TRAPPC9: variants seen among roughly 807,000 people sequenced by gnomAD.
TRAPPC9 encodes the protein IKK2 binding protein.
A neutral mutation model predicts 124.0 loss-of-function variants in TRAPPC9; 83 were observed. That is an observed-to-expected ratio of 0.67 (90% CI 0.56 to 0.80). TRAPPC9 has a LOEUF of 0.80. TRAPPC9 is among the 30% of genes least tolerant of loss of function. The probability of loss-of-function intolerance (pLI) is 0.00; values close to 1 mark genes in which losing one functional copy is unlikely to be tolerated. For synonymous variants in TRAPPC9, 638 were observed against 617.5 expected (o/e 1.03, Z -0.49); for missense variants, 1,302 against 1,508.3 (o/e 0.86, Z 2.27).
At chr8:139,850,026 A>C (rs1202346497) in intron 21 of TRAPPC9, among the ~76,000 whole-genome samples, 8 of 152,098 alleles carry the variant, frequency 5.3e-5, no homozygotes, top group African/African-American at 1.7e-4. Context: ...CGGTTCCCGC[A>C]TCAGCTCCCA....
At chr8:140,061,779 G>A (rs748354356) in intron 17 of TRAPPC9, among the ~76,000 whole-genome samples, 6 of 152,210 alleles carry the variant, frequency 3.9e-5, no homozygotes, top group African/African-American at 1.2e-4. Flanking sequence ...CAGGGCCCAC[G>A]TTGGGAAGGG....
intron 17 of TRAPPC9, among the ~76,000 whole-genome samples, chr8:140,136,344 G>A (rs918645498): frequency 6.6e-6 from 1 of 152,202 alleles, no homozygotes; most frequent in East Asian, 1.9e-4. Flanking sequence ...ACAGGGGCAC[G>A]AGGCCCGGCT....
chr8:140,229,763 G>A (rs1354348713), intron 16 of TRAPPC9, among the ~76,000 whole-genome samples: 5 of 151,752 alleles, frequency 3.3e-5, no homozygotes, highest in African/African-American at 4.8e-5. Context: ...TCACCATGTT[G>A]GCCACACTGG....
At chr8:140,324,207 GA>G (rs1475464274) in intron 9 of TRAPPC9, among the ~76,000 whole-genome samples, 4 of 152,104 alleles carry the variant, frequency 2.6e-5, no homozygotes, top group African/African-American at 7.2e-5. Context: ...GGATGGGGGG[GA>G]AAAGATATAC....
intron 19 of TRAPPC9, among the ~76,000 whole-genome samples, chr8:139,966,749 A>T (rs1835733182): frequency 1.3e-5 from 2 of 152,210 alleles, no homozygotes; most frequent in Admixed American, 1.3e-4. Flanking sequence ...CCCAATGAAA[A>T]GAACAACAGC....
At chr8:139,780,344 C>T (rs1372907871) in intron 21 of TRAPPC9, among the ~76,000 whole-genome samples, 5 of 152,048 alleles carry the variant, frequency 3.3e-5, no homozygotes, top group African/African-American at 9.7e-5. Flanking sequence ...AAACAGATCA[C>T]GGGAACAGAA....
chr8:139,968,737 T>C (rs1835874721), intron 19 of TRAPPC9, among the ~76,000 whole-genome samples: 1 of 152,018 alleles, frequency 6.6e-6, no homozygotes, highest in African/African-American at 2.4e-5. Context: ...CAAGAGCGAG[T>C]CACCCAACTT....
intron 19 of TRAPPC9, among the ~76,000 whole-genome samples, chr8:139,952,114 T>C (rs930752278): frequency 1.1e-4 from 16 of 152,226 alleles, no homozygotes; most frequent in African/African-American, 3.6e-4. Context: ...CAACTTAAGC[T>C]GTTACTAACT....
chr8:139,756,761 A>G (rs1301817026), intron 21 of TRAPPC9, among the ~76,000 whole-genome samples: 1 of 129,668 alleles, frequency 7.7e-6, no homozygotes, highest in African/African-American at 3.0e-5. Flanking sequence ...TAAGGACAGC[A>G]GGTCGCAGGA....
intron 18 of TRAPPC9, among the ~76,000 whole-genome samples, chr8:140,015,045 C>T (rs1396104910): frequency 6.6e-6 from 1 of 152,238 alleles, no homozygotes; most frequent in African/African-American, 2.4e-5. Context: ...TAACTCACAT[C>T]CATTTGTATT....
At chr8:139,836,010 A>G (rs557215494) in intron 21 of TRAPPC9, among the ~76,000 whole-genome samples, 2 of 121,660 alleles carry the variant, frequency 1.6e-5, no homozygotes, top group East Asian at 4.3e-4. Context: ...GCATTTATTT[A>G]TTTATTTATT....
At chr8:140,134,177 G>A (rs144509564) in intron 17 of TRAPPC9, among the ~76,000 whole-genome samples, 60 of 152,270 alleles carry the variant, frequency 3.9e-4, no homozygotes, top group Admixed American at 6.5e-4. Context: ...AAACATTGTG[G>A]TTCTGACATA....
At chr8:140,341,419 G>A (rs1022813581) in intron 9 of TRAPPC9, among the ~76,000 whole-genome samples, 3 of 152,146 alleles carry the variant, frequency 2.0e-5, no homozygotes, top group East Asian at 1.9e-4. Flanking sequence ...TCAATAGACT[G>A]TGACCTGCAA....
rs190658780 is a variant in TRAPPC9, at chr8:140,386,135, T to G, written c.1134+11485A>C. On this transcript the variant is annotated intron_variant, in intron 7 of 22. Transcript: ENST00000438773. Reference sequence around the variant, plus strand: ...TTCAACAGCCCTTCATGCTAAGAACTCTCAATAAATTAGGTATTGATGGGA... The same window carrying G: ...TTCAACAGCCCTTCATGCTAAGAACGCTCAATAAATTAGGTATTGATGGGA... 8.4e-3 allele frequency among the ~76,000 whole-genome samples: 1,283 copies of G among 152,322 alleles called. 16 individuals are homozygous for G. The highest frequency in any genetic ancestry group is 0.028 in the African/African-American group (1,180 of 41,566).
rs2066832958 is a variant in TRAPPC9 at position 140,329,341 on chromosome 8, C to T, written c.1496-17967G>A. Among the ~76,000 whole-genome samples the T allele has an allele frequency of 2.0e-5, 3 of 152,190 alleles. No individual in the cohort carries two copies. In the South Asian group the frequency reaches 6.2e-4, roughly 32 times the overall value. The stretch of plus-strand genomic sequence containing the variant: ...TGAGAGTTAAGTGGTCATTTGTGAC[C>T]TTCAAAAAAACTTTCATCCATGCAG... On this transcript the variant is annotated intron_variant, in intron 9 of 22. Coordinates refer to ENST00000438773, the MANE Select transcript of TRAPPC9 (RefSeq NM_001160372.4).
chr8:140,086,747 T>C (rs946880500), intron 17 of TRAPPC9, among the ~76,000 whole-genome samples: 3 of 152,072 alleles, frequency 2.0e-5, no homozygotes, highest in African/African-American at 7.2e-5. Context: ...CTGACCAAGA[T>C]GGAGAAACCC....
At chr8:139,734,986 C>T (rs957770264) in intron 21 of TRAPPC9, among the ~76,000 whole-genome samples, 1 of 152,240 alleles carries the variant, frequency 6.6e-6, no homozygotes, top group African/African-American at 2.4e-5. Context: ...TGCACTGAGT[C>T]TGACCAGGCT....
chr8:140,418,614 G>A (rs1487227942), intron 5 of TRAPPC9, among the ~76,000 whole-genome samples: 4 of 152,212 alleles, frequency 2.6e-5, no homozygotes, highest in African/African-American at 9.6e-5. Context: ...CCAGCTACTC[G>A]GGAGGCTGAG....
chr8:140,405,328 T>A (rs2069451863), intron 6 of TRAPPC9: 1 of 374,228 alleles, frequency 2.7e-6, no homozygotes, highest in Non-Finnish European at 4.8e-6. Flanking sequence ...TAACAATCAT[T>A]ATCTGTGAGT....
Sources: allele counts gnomAD v4.1 joint callset (sites outside exome capture counted in the v4.1 genomes callset), GRCh38; gene constraint gnomAD v4.1.1; transcripts MANE v1.5; gene names NCBI Gene and HGNC (gene_info 2026-07-23, HGNC 2026-07-21).